The following ZIM2 variants were observed in gnomAD, a reference collection of about 807,000 sequenced individuals.
ZIM2 encodes zinc finger imprinted 2, also known as zinc finger protein 656.
ZIM2 carries 14 observed loss-of-function variants against 38.6 expected under a neutral mutation model. The ratio of observed to expected loss-of-function variants is 0.36; its 90% CI spans 0.24 to 0.57. The LOEUF (loss-of-function observed/expected upper bound fraction) is 0.57, where lower values mean the gene tolerates loss of function less well. Ranked by LOEUF, ZIM2 falls within the 20% of genes least tolerant of loss-of-function variation. ZIM2 has a pLI of 0.81. For missense variants in ZIM2, 680 were observed against 695.1 expected, an observed-to-expected ratio of 0.98 and a Z score of 0.24; for synonymous variants, 247 against 245.8, an observed-to-expected ratio of 1.00 and a Z score of -0.04.
Position 56,814,726 on chromosome 19 carries a change from G to A in ZIM2, c.490+3020C>T, listed in dbSNP as rs1468026580. On this transcript the variant is annotated intron_variant, in intron 9 of 12. Transcript: ENST00000629319. The surrounding 1 kb of genome is among the most constrained non-coding windows in gnomAD (Gnocchi z 5.8). ...ATGAAGTCTCATATGCTCATTAAGG[G>A]CAGAGCTATGAATGAAGCCTTGTCC... is the stretch of plus-strand genomic sequence containing the variant. The A allele has an allele frequency of 6.2e-7, 1 of 1,614,038 alleles. No homozygotes were observed. Among genetic ancestry groups the A allele is most frequent in the Non-Finnish European group, 8.5e-7 (1 of 1,179,982 alleles).
intron 10 of ZIM2, 38 bp from the exon 11 acceptor site, chr19:56,782,159 G>A: frequency 6.2e-7 from 1 of 1,600,096 alleles, no homozygotes; most frequent in East Asian, 2.2e-5. Context: ...GATTAGAGAG[G>A]ACTGAACATG....
Position 56,821,647 on chromosome 19 carries a change from A to G in ZIM2, c.294+4T>C. 1 of 1,613,820 alleles carries G rather than the reference A, an allele frequency of 6.2e-7. No individual in the cohort carries two copies. Among genetic ancestry groups the G allele is most frequent in the Non-Finnish European group, 8.5e-7 (1 of 1,179,968 alleles). On this transcript the variant is annotated splice_donor_region_variant and intron_variant, in intron 7 of 12. Transcript: ENST00000629319. ...TTCTAGAAAGAGAGGAAACCTGAGCATACCTGAGATCGGGACTCATAAGCC... is the reference window on the plus strand; with the variant it reads ...TTCTAGAAAGAGAGGAAACCTGAGCGTACCTGAGATCGGGACTCATAAGCC...
At chr19:56,838,260 C>T (rs1442331620) in intron 1 of ZIM2, among the ~76,000 whole-genome samples, 1 of 152,098 alleles carries the variant, frequency 6.6e-6, no homozygotes, top group Non-Finnish European at 1.5e-5. Flanking sequence ...GGACCAGGCT[C>T]GGCAGCCCCT....
At chr19:56,804,573 C>T (rs1646794146) in intron 9 of ZIM2, among the ~76,000 whole-genome samples, 1 of 152,120 alleles carries the variant, frequency 6.6e-6, no homozygotes, top group African/African-American at 2.4e-5. Context: ...CTCATGTAAC[C>T]CTCACAAGGT....
At chr19:56,815,046 C>T in intron 9 of ZIM2, 1 of 1,614,188 alleles carries the variant, frequency 6.2e-7, no homozygotes, top group Non-Finnish European at 8.5e-7. Flanking sequence ...CAACCAGGCA[C>T]TTCCTGCTGT....
chr19:56,789,851 T>A (rs2046834117), intron 10 of ZIM2, 21 bp downstream of exon 10: 2 of 1,533,948 alleles, frequency 1.3e-6, no homozygotes, highest in East Asian at 4.6e-5. Flanking sequence ...GATAACCATG[T>A]CAGAGGAAAG....
rs147666557 is a variant in ZIM2 at position 56,794,909 on chromosome 19, T to C, written c.491-4958A>G. On this transcript the variant is annotated intron_variant, in intron 9 of 12. Transcript: ENST00000629319. ...CAAAATCTGTTGTCAATTAGACAGA[T>C]TGAAAAATATATCATTTTATTCTTT... is the stretch of plus-strand genomic sequence containing the variant. 4.1e-3 allele frequency among the ~76,000 whole-genome samples: 629 copies of C among 152,348 alleles called. 5 individuals carry two copies. The highest frequency in any genetic ancestry group is 0.013 in the African/African-American group (557 of 41,582).
chr19:56,788,413 T>C (rs1400412839), intron 10 of ZIM2, among the ~76,000 whole-genome samples: 2 of 152,198 alleles, frequency 1.3e-5, no homozygotes, highest in African/African-American at 4.8e-5. Context: ...TCGTGCGGTT[T>C]TGAGTGAGTT....
chr19:56,813,761 C>A (rs1288201163), intron 9 of ZIM2: 2 of 1,613,986 alleles, frequency 1.2e-6, no homozygotes, highest in African/African-American at 2.7e-5. Flanking sequence ...AAGTACTTCT[C>A]ATCAGCTTGA....
At chr19:56,833,749 G>C (rs1018417340) in intron 2 of ZIM2, 1 of 154,932 alleles carries the variant, frequency 6.5e-6, no homozygotes, top group Non-Finnish European at 1.4e-5. Flanking sequence ...AAGGTATCCA[G>C]TCTGGTCCAA....
Position 56,832,765 on chromosome 19 carries a change from T to C in ZIM2, c.-227+3253A>G, listed in dbSNP as rs763267823. Among the ~76,000 whole-genome samples the C allele has an allele frequency of 5.6e-4, 85 of 152,118 alleles. 1 individual carries two copies. The highest frequency in any genetic ancestry group is 2.6e-4 in the Non-Finnish European group (18 of 68,034). On this transcript the variant is annotated intron_variant, in intron 2 of 12. Transcript: ENST00000629319. ...CTTCTGGGAGTCTGGCGTTCTTTGATCTCCAAAGGATGTTTTCTTTACACT... is the reference window on the plus strand; with the variant it reads ...CTTCTGGGAGTCTGGCGTTCTTTGACCTCCAAAGGATGTTTTCTTTACACT...
At chr19:56,839,269 A>G (rs2062650522) in intron 1 of ZIM2, among the ~76,000 whole-genome samples, 1 of 150,604 alleles carries the variant, frequency 6.6e-6, no homozygotes, top group Non-Finnish European at 1.5e-5. Context: ...CCCATCAAAC[A>G]TGGCATCTAG....
intron 9 of ZIM2, among the ~76,000 whole-genome samples, chr19:56,807,458 A>C (rs906097114): frequency 2.6e-5 from 4 of 152,218 alleles, no homozygotes; most frequent in African/African-American, 9.6e-5. Flanking sequence ...CCTTGAAAAT[A>C]AGTCTTCTTG....
chr19:56,835,536 C>G (rs2062005740), intron 2 of ZIM2, among the ~76,000 whole-genome samples: 1 of 151,860 alleles, frequency 6.6e-6, no homozygotes, highest in African/African-American at 2.4e-5. Context: ...CCTATGTGGC[C>G]TCTCTAAGAT....
In ZIM2 at chr19:56,818,601, G is replaced by A. The variant is rs369295065; in HGVS notation, c.396C>T (p.Leu132=). The A allele has an allele frequency of 1.7e-5, 27 of 1,613,892 alleles. No individual in the cohort carries two copies. The highest frequency in any genetic ancestry group is 1.7e-4 in the Middle Eastern group (1 of 6,034). ...NMENYRKLLS[L]GVQLAEDDGH... is the part of the protein sequence containing the mutation. ...TGACTGAGAGAAGCAGCTGCTTACC[G>A]AGGGAGAGCAGCTTCCTGTAGTTTT... The change falls in exon 8 of 13, where the codon CTC becomes CTT. Residue 132 remains leucine, a splice_region_variant and synonymous_variant. Coordinates refer to ENST00000629319, the MANE Select transcript of ZIM2 (RefSeq NM_001387356.1).
intron 9 of ZIM2, 105 bp downstream of exon 9, chr19:56,817,641 G>C: frequency 6.6e-7 from 1 of 1,519,320 alleles, no homozygotes; most frequent in African/African-American, 1.4e-5. Flanking sequence ...GTGGGACTTG[G>C]AGGGGTGCAC....
In ZIM2 at chr19:56,815,419, C is replaced by T. The variant is rs757018403; in HGVS notation, c.490+2327G>A. The T allele has an allele frequency of 8.1e-6, 13 of 1,613,898 alleles. No individual in the cohort carries two copies. The Middle Eastern group carries it at 6.6e-4, about 82-fold the overall frequency. ...TTGAGGGTCAGTAGGGGCCAAGCTG[C>T]GAATGACAGACCATTCATAGTTTCT... is the stretch of plus-strand genomic sequence containing the variant. On this transcript the variant is annotated intron_variant, in intron 9 of 12. Transcript: ENST00000629319.
In ZIM2 at chr19:56,775,429, TC is replaced by T; in HGVS notation, c.935del (p.Arg312LysfsTer22). ...TCTCAAATTCATCACTGCCATAGCTTCTTTCCGGAGTGAGGGTCTTGGGGTC... is the reference window on the plus strand; with the variant it reads ...TCTCAAATTCATCACTGCCATAGCTTTTTCCGGAGTGAGGGTCTTGGGGTC... ...MNDPKTLTPE[R>X]SYGSDEFERS... On this transcript the variant is annotated frameshift_variant, in exon 13 of 13. Coordinates refer to ENST00000629319, the MANE Select transcript of ZIM2 (RefSeq NM_001387356.1). LOFTEE classifies it low-confidence loss of function (END_TRUNC). 1 of 1,614,128 alleles carries T rather than the reference TC, an allele frequency of 6.2e-7. No individual in the cohort carries two copies. Among genetic ancestry groups the T allele is most frequent in the South Asian group, 1.1e-5 (1 of 91,068 alleles).
intron 2 of ZIM2, among the ~76,000 whole-genome samples, chr19:56,830,220 T>C (rs1447741224): frequency 6.6e-6 from 1 of 152,220 alleles, no homozygotes; most frequent in Non-Finnish European, 1.5e-5. Flanking sequence ...TATTTGCATA[T>C]AGATGCAAAA....
Sources: allele counts gnomAD v4.1 joint callset (sites outside exome capture counted in the v4.1 genomes callset), GRCh38; gene constraint gnomAD v4.1.1; non-coding constraint Gnocchi (gnomAD v3.1); transcripts MANE v1.5; gene names NCBI Gene and HGNC (gene_info 2026-07-23, HGNC 2026-07-21).